Variants in DCC observed in about 807,000 individuals in gnomAD.
The protein encoded by DCC is DCC netrin 1 receptor, also known as netrin receptor DCC.
A neutral mutation model predicts 172.5 loss-of-function variants in DCC; 58 were observed. The observed-to-expected ratio is 0.34, with a 90% CI of 0.27 to 0.42. DCC has a LOEUF of 0.42. DCC is among the 10% of genes least tolerant of loss of function. The pLI, the probability that DCC is intolerant of heterozygous loss-of-function variation, is 1.00. For synonymous variants in DCC, 709 were observed against 644.5 expected, an observed-to-expected ratio of 1.10 and a Z score of -1.52; for missense variants, 1,740 against 1,791.0, an observed-to-expected ratio of 0.97 and a Z score of 0.51.
At chr18:52,374,563 T>C (rs951949216) in intron 1 of DCC, among the ~76,000 whole-genome samples, 1 of 152,092 alleles carries the variant, frequency 6.6e-6, no homozygotes, top group African/African-American at 2.4e-5. Flanking sequence ...AGGGGCAAGA[T>C]ACAAGAGAGA....
intron 1 of DCC, among the ~76,000 whole-genome samples, chr18:52,497,814 C>T (rs929474827): frequency 3.3e-5 from 5 of 152,058 alleles, no homozygotes; most frequent in Non-Finnish European, 5.9e-5. Context: ...TCAAAAACTC[C>T]AACCCAGATA....
intron 1 of DCC, among the ~76,000 whole-genome samples, chr18:52,698,084 T>C (rs2036042844): frequency 6.6e-6 from 1 of 152,226 alleles, no homozygotes; most frequent in African/African-American, 2.4e-5. Context: ...GAATTGGGTA[T>C]CTTCTTGGGC....
Position 53,397,450 on chromosome 18 carries a change from T to A in DCC, c.2827+4T>A. 1 of 1,613,906 alleles carries A rather than the reference T, an allele frequency of 6.2e-7. No individual in the cohort carries two copies. The highest frequency in any genetic ancestry group is 1.1e-5 in the South Asian group (1 of 91,068). ...CATGCCACCACGTATGAAGCAGGTA[T>A]GTGAGGAAATGTCTACTTTGGACCC... On this transcript the variant is annotated splice_donor_region_variant and intron_variant, in intron 18 of 28. Coordinates refer to ENST00000442544, the MANE Select transcript of DCC (RefSeq NM_005215.4).
intron 22 of DCC, among the ~76,000 whole-genome samples, chr18:53,442,604 G>C (rs1425806363): frequency 2.0e-5 from 3 of 152,264 alleles, no homozygotes; most frequent in South Asian, 4.2e-4. Flanking sequence ...GTGGAAGGAA[G>C]AGTCACATGT....
At chr18:53,353,812 C>CATATGTA (rs2057842008) in intron 15 of DCC, among the ~76,000 whole-genome samples, 2 of 152,118 alleles carry the variant, frequency 1.3e-5, no homozygotes, top group Non-Finnish European at 2.9e-5. Flanking sequence ...GGTACATGTG[C>CATATGTA]ACAACGTGCA....
At chr18:53,045,048 T>A (rs1187549775) in intron 5 of DCC, among the ~76,000 whole-genome samples, 3 of 151,824 alleles carry the variant, frequency 2.0e-5, no homozygotes, top group Non-Finnish European at 4.4e-5. Context: ...TATGAAAATA[T>A]ACCAGGGATA....
chr18:53,367,797 A>C (rs1052893867), intron 15 of DCC, among the ~76,000 whole-genome samples: 1 of 152,130 alleles, frequency 6.6e-6, no homozygotes. Flanking sequence ...CAACTGGCTT[A>C]TTTCACTTAG....
At chr18:53,499,825 C>T (rs1218470710) in intron 27 of DCC, among the ~76,000 whole-genome samples, 1 of 152,184 alleles carries the variant, frequency 6.6e-6, no homozygotes, top group Non-Finnish European at 1.5e-5. Context: ...GATTCCCTAA[C>T]TTCATTCTGC....
chr18:53,103,037 A>C (rs7226390), intron 7 of DCC, among the ~76,000 whole-genome samples: 104,920 of 151,988 alleles, frequency 0.69, 38,034 homozygotes, highest in African/African-American at 0.9. Flanking sequence ...CACAGTTTTG[A>C]AAATTGTCTT....
chr18:52,808,107 G>A (rs1477000860), intron 2 of DCC, among the ~76,000 whole-genome samples: 1 of 152,184 alleles, frequency 6.6e-6, no homozygotes, highest in Non-Finnish European at 1.5e-5. Flanking sequence ...TTCCCTTTAT[G>A]TATGAGATTT....
intron 1 of DCC, among the ~76,000 whole-genome samples, chr18:52,655,292 G>T (rs972752929): frequency 3.3e-5 from 5 of 152,110 alleles, no homozygotes; most frequent in African/African-American, 1.2e-4. Context: ...TTGAGGGTCA[G>T]GCAGTCTTAA....
intron 5 of DCC, among the ~76,000 whole-genome samples, chr18:53,000,585 CTTTTT>C (rs71175543): frequency 8.1e-5 from 8 of 99,038 alleles, no homozygotes; most frequent in South Asian, 4.1e-4. Flanking sequence ...AGCTTACATT[CTTTTT>C]TTTTTTTTTT....
At chr18:52,633,106 CTCTT>C (rs2034707641) in intron 1 of DCC, among the ~76,000 whole-genome samples, 1 of 147,610 alleles carries the variant, frequency 6.8e-6, no homozygotes, top group Non-Finnish European at 1.5e-5. Flanking sequence ...TTCATTCTTT[CTCTT>C]TCTTCCTTTC....
intron 1 of DCC, among the ~76,000 whole-genome samples, chr18:52,607,764 T>G (rs1221879): frequency 0.89 from 135,541 of 151,884 alleles, 61,146 homozygotes; most frequent in Middle Eastern, 0.99. Context: ...TATGACAATT[T>G]GATATCAATG....
intron 15 of DCC, among the ~76,000 whole-genome samples, chr18:53,358,248 A>G (rs1271097214): frequency 6.6e-6 from 1 of 152,078 alleles, no homozygotes; most frequent in African/African-American, 2.4e-5. Flanking sequence ...ATTCAGTATA[A>G]TATAATGCAT....
At chr18:52,697,569 A>C (rs1400788213) in intron 1 of DCC, among the ~76,000 whole-genome samples, 1 of 152,226 alleles carries the variant, frequency 6.6e-6, no homozygotes, top group African/African-American at 2.4e-5. Context: ...AAAATCTAAA[A>C]ATGGAATATG....
intron 7 of DCC, among the ~76,000 whole-genome samples, chr18:53,136,064 A>G (rs2043735827): frequency 6.6e-6 from 1 of 152,064 alleles, no homozygotes; most frequent in Non-Finnish European, 1.5e-5. Flanking sequence ...TTTTTTCCCT[A>G]CAAACATAAT....
chr18:53,145,713 GT>G (rs2144362024), intron 7 of DCC, among the ~76,000 whole-genome samples: 1 of 152,240 alleles, frequency 6.6e-6, no homozygotes, highest in African/African-American at 2.4e-5. Context: ...TCCAAATTCT[GT>G]CCCAAATTTG....
At chr18:53,448,424 G>C (rs1208644110) in intron 22 of DCC, among the ~76,000 whole-genome samples, 1 of 152,156 alleles carries the variant, frequency 6.6e-6, no homozygotes, top group Non-Finnish European at 1.5e-5. Flanking sequence ...CTTGTTGTGA[G>C]AATTCACTAT....
Sources: gnomAD v4.1 joint callset for allele counts (sites outside exome capture counted in the v4.1 genomes callset) on GRCh38, gnomAD v4.1.1 for gene constraint, MANE v1.5 for transcripts, NCBI Gene and HGNC (gene_info 2026-07-23, HGNC 2026-07-21) for gene names.